MEAK7: variants seen among roughly 807,000 people sequenced by gnomAD.
MEAK7 encodes MTOR-associated protein MEAK7.
In MEAK7, 68 loss-of-function variants were observed where a neutral mutation model predicts 40.5. The observed-to-expected ratio is 1.68, with a 90% CI of 1.38 to 2.06. MEAK7 has a LOEUF of 2.06. Ranked by LOEUF, MEAK7 falls within the 30% of genes most tolerant of loss-of-function variation. The pLI is 0.00. For missense variants in MEAK7, 918 were observed against 580.5 expected (o/e 1.58, Z -5.98); for synonymous variants, 338 against 231.9 (o/e 1.46, Z -4.16).
At chr16:84,488,602 A>G (rs1023709465) in intron 4 of MEAK7, among the ~76,000 whole-genome samples, 8 of 152,246 alleles carry the variant, frequency 5.3e-5, no homozygotes, top group African/African-American at 1.9e-4. Context: ...TTCTCTAAAC[A>G]TAATGAAATA....
chr16:84,503,193 T>A (rs1247100485), intron 1 of MEAK7, among the ~76,000 whole-genome samples: 2 of 101,564 alleles, frequency 2.0e-5, no homozygotes, highest in East Asian at 5.7e-4. Flanking sequence ...AGTGCATATA[T>A]CTACATATAT....
intron 6 of MEAK7, 62 bp downstream of exon 6, chr16:84,482,530 G>A: frequency 1.9e-6 from 3 of 1,612,590 alleles, no homozygotes; most frequent in Non-Finnish European, 2.5e-6. Flanking sequence ...TGAGCCTCGG[G>A]GTTGACACCT....
At chr16:84,480,966 G>A (rs1912484140) in intron 6 of MEAK7, among the ~76,000 whole-genome samples, 1 of 152,220 alleles carries the variant, frequency 6.6e-6, no homozygotes, top group Non-Finnish European at 1.5e-5. Context: ...AGATTTGCTG[G>A]CTGAAAGCAC....
At chr16:84,480,165 G>C in intron 7 of MEAK7, 139 bp from the exon 8 acceptor site, 1 of 669,256 alleles carries the variant, frequency 1.5e-6, no homozygotes, top group Non-Finnish European at 2.5e-6. Flanking sequence ...GGATTCAGTG[G>C]CTGGGTGGGT....
At chr16:84,492,569 T>TTTATTTTATTTATTTATTTA (rs112860791) in intron 3 of MEAK7, among the ~76,000 whole-genome samples, 1 of 146,702 alleles carries the variant, frequency 6.8e-6, no homozygotes, top group African/African-American at 2.5e-5. Context: ...AAGTGTTTTA[T>TTTATTTTATTTATTTATTTA]TTTATTTATT....
Position 84,477,950 on chromosome 16 carries a change from G to A in MEAK7, c.*1963C>T, listed in dbSNP as rs999885633. The A allele has an allele frequency of 3.3e-5, 5 of 152,200 alleles. No homozygotes were observed. Among genetic ancestry groups the A allele is most frequent in the Non-Finnish European group, 5.9e-5 (4 of 68,056 alleles). The allele number at this position is 152,200 out of a possible 1,614,324, so 9.4% of individuals were successfully genotyped here. ...GCACTCTCCTTAGAACAAGCTCAGG[G>A]TGGAAAGCATGTGAGTGGACAAAGT... is the stretch of plus-strand genomic sequence containing the variant. On this transcript the variant is annotated 3_prime_UTR_variant, in exon 8 of 8. Coordinates refer to ENST00000343629, the MANE Select transcript of MEAK7 (RefSeq NM_020947.4).
rs1385971131 is a variant in MEAK7 at position 84,486,797 on chromosome 16, G to T, written c.792C>A (p.His264Gln). 1.2e-6 allele frequency: 2 copies of T among 1,614,022 alleles called. 1 individual carries two copies. The highest frequency in any genetic ancestry group is 2.2e-5 in the South Asian group (2 of 91,076). ...INAQLPREQR[H>Q]RWCLLFSSEL... ...CAGACGAAAAGAGCAGGCACCAGCG[G>T]TGCCGCTGCTCCCGAGGCAGCTGGG... The change falls in exon 5 of 8, where the codon CAC becomes CAA. Residue 264 changes from histidine to glutamine, a missense_variant. Coordinates refer to ENST00000343629, the MANE Select transcript of MEAK7 (RefSeq NM_020947.4).
intron 6 of MEAK7, among the ~76,000 whole-genome samples, chr16:84,481,347 AC>A (rs10719324): frequency 0.02 from 3,082 of 152,306 alleles, 128 homozygotes; most frequent in African/African-American, 0.069. Flanking sequence ...ACCTTGGGCA[AC>A]CAGAGACCCG....
chr16:84,487,206 G>T (rs915721212), intron 4 of MEAK7, 147 bp from the exon 5 acceptor site: 8 of 699,730 alleles, frequency 1.1e-5, no homozygotes, highest in African/African-American at 8.9e-5. Context: ...GAGAGGTGCC[G>T]TCAGTGTAAA....
At chr16:84,494,825 A>G (rs1203491839) in intron 3 of MEAK7, 2 of 455,778 alleles carry the variant, frequency 4.4e-6, no homozygotes, top group East Asian at 6.9e-5. Flanking sequence ...CCTTTCTCCA[A>G]AAGATTTCTG....
intron 1 of MEAK7, among the ~76,000 whole-genome samples, chr16:84,504,356 G>A (rs1211917897): frequency 6.6e-6 from 1 of 152,150 alleles, no homozygotes; most frequent in African/African-American, 2.4e-5. Context: ...ATAAACAGCG[G>A]GAGGTGCAGG....
intron 3 of MEAK7, among the ~76,000 whole-genome samples, chr16:84,490,463 T>TACC (rs1567497303): frequency 1.2e-5 from 1 of 85,878 alleles, no homozygotes; most frequent in African/African-American, 3.3e-5. Flanking sequence ...TTTTTTTTTT[T>TACC]TTTTTTTTTT....
At chr16:84,503,218 C>A (rs888017613) in intron 1 of MEAK7, among the ~76,000 whole-genome samples, 4 of 151,474 alleles carry the variant, frequency 2.6e-5, no homozygotes, top group Admixed American at 2.0e-4. Context: ...AAAAAAAAAT[C>A]TCATGTTTTA....
intron 1 of MEAK7, chr16:84,499,793 T>C (rs1914349814): frequency 6.6e-6 from 1 of 152,138 alleles, no homozygotes; most frequent in Non-Finnish European, 1.5e-5. Flanking sequence ...TCCGAGCACT[T>C]TGGGAGGCCA....
At chr16:84,482,153 G>A (rs1430865817) in intron 6 of MEAK7, among the ~76,000 whole-genome samples, 1 of 152,116 alleles carries the variant, frequency 6.6e-6, no homozygotes, top group East Asian at 1.9e-4. Context: ...AGCGAGGGCT[G>A]GACAGGAGCC....
In MEAK7 at chr16:84,504,586, A is replaced by C. The variant is rs1914748297; in HGVS notation, c.-26+15T>G. The C allele has an allele frequency of 3.0e-6, 3 of 985,674 alleles. No individual in the cohort carries two copies. Among genetic ancestry groups the C allele is most frequent in the Non-Finnish European group, 3.6e-6 (3 of 830,128 alleles). The allele number at this position is 985,674 out of a possible 1,614,324, so 61.1% of individuals were successfully genotyped here. On this transcript the variant is annotated intron_variant, in intron 1 of 7. Transcript: ENST00000343629. Reference sequence around the variant, plus strand: ...TCTGGGTCAGCTCACTGCGAACCTCAGCCCAGGTACCTACCCTGCCGGGCT... The same window carrying C: ...TCTGGGTCAGCTCACTGCGAACCTCCGCCCAGGTACCTACCCTGCCGGGCT...
intron 3 of MEAK7, among the ~76,000 whole-genome samples, chr16:84,489,945 G>A (rs1264594905): frequency 6.6e-6 from 1 of 152,208 alleles, no homozygotes; most frequent in African/African-American, 2.4e-5. Flanking sequence ...TAAGATGGCA[G>A]AGGGCAGTCT....
Position 84,503,961 on chromosome 16 carries a change from C to G in MEAK7, c.-26+640G>C, listed in dbSNP as rs370755171. ...CCACACAAGGGTCCCTCCGTACCCC[C>G]ACAAGCTGGGGAGATTCCAACTGCC... On this transcript the variant is annotated intron_variant, in intron 1 of 7. Coordinates refer to ENST00000343629, the MANE Select transcript of MEAK7 (RefSeq NM_020947.4). The G allele has an allele frequency of 1.4e-5, 14 of 985,556 alleles. No individual in the cohort carries two copies. In the East Asian group the frequency reaches 1.4e-3, roughly 96 times the overall value. 61.1% of individuals were successfully genotyped at this position (985,556 alleles called of 1,614,324 possible).
intron 1 of MEAK7, among the ~76,000 whole-genome samples, chr16:84,500,303 T>A (rs1914393722): frequency 6.6e-6 from 1 of 152,166 alleles, no homozygotes; most frequent in South Asian, 2.1e-4. Context: ...CCTGTTCCAA[T>A]TTCCAGTGTC....
Sources: allele counts gnomAD v4.1 joint callset (sites outside exome capture counted in the v4.1 genomes callset), GRCh38; gene constraint gnomAD v4.1.1; transcripts MANE v1.5; gene names NCBI Gene and HGNC (gene_info 2026-07-23, HGNC 2026-07-21).